Variants in GPR158 observed in about 807,000 individuals in gnomAD.
The protein encoded by GPR158 is G protein-coupled receptor 158.
Under a neutral mutation model 78.2 loss-of-function variants are expected in GPR158, and 30 were observed. That is an observed-to-expected ratio of 0.38 (90% confidence interval 0.29 to 0.52). The LOEUF (loss-of-function observed/expected upper bound fraction) is 0.52, where lower values mean the gene tolerates loss of function less well. Ranked by LOEUF, GPR158 falls within the 20% of genes least tolerant of loss-of-function variation. The probability of loss-of-function intolerance (pLI) is 0.83; values close to 1 mark genes in which losing one functional copy is unlikely to be tolerated. For synonymous variants in GPR158, 581 were observed against 591.1 expected (o/e 0.98, Z 0.25); for missense variants, 1,463 against 1,523.5 (o/e 0.96, Z 0.66).
intron 2 of GPR158, among the ~76,000 whole-genome samples, chr10:25,304,865 A>G (rs1322697116): frequency 6.6e-6 from 1 of 152,204 alleles, no homozygotes; most frequent in Non-Finnish European, 1.5e-5. Context: ...CTGGTAATAC[A>G]ATCCAGTTAT....
At chr10:25,595,223 T>C (rs1212605629) in intron 9 of GPR158, among the ~76,000 whole-genome samples, 2 of 152,166 alleles carry the variant, frequency 1.3e-5, no homozygotes, top group Non-Finnish European at 2.9e-5. Flanking sequence ...AACCAGAACA[T>C]TGAGATTCAG....
At chr10:25,513,235 A>C (rs1189000400) in intron 5 of GPR158, among the ~76,000 whole-genome samples, 1 of 151,596 alleles carries the variant, frequency 6.6e-6, no homozygotes, top group African/African-American at 2.4e-5. Context: ...TGGTCTGTTC[A>C]GAGTTTCTAT....
At chr10:25,435,618 A>G (rs1000203105) in intron 4 of GPR158, among the ~76,000 whole-genome samples, 10 of 152,344 alleles carry the variant, frequency 6.6e-5, no homozygotes, top group Admixed American at 2.6e-4. Flanking sequence ...AGAGGCCTAC[A>G]GGACATGGTC....
intron 2 of GPR158, among the ~76,000 whole-genome samples, chr10:25,267,042 C>T (rs1854053535): frequency 6.6e-6 from 1 of 152,094 alleles, no homozygotes; most frequent in Non-Finnish European, 1.5e-5. Flanking sequence ...TGAGTTTTGT[C>T]TTTCTGCCCT....
chr10:25,210,998 G>A (rs373772966), intron 1 of GPR158, among the ~76,000 whole-genome samples: 1 of 152,044 alleles, frequency 6.6e-6, no homozygotes, highest in East Asian at 1.9e-4. Context: ...GGGGTGTGGT[G>A]GCAGGCGCCT....
At chr10:25,511,116 T>C (rs1245142466) in intron 5 of GPR158, among the ~76,000 whole-genome samples, 2 of 152,212 alleles carry the variant, frequency 1.3e-5, no homozygotes, top group Non-Finnish European at 2.9e-5. Context: ...TTAAGGACTT[T>C]CCACGCTGTT....
In GPR158 at chr10:25,309,244, C is replaced by T. The variant is rs1200015795; in HGVS notation, c.1009-86667C>T. Among the ~76,000 whole-genome samples, 3 of 151,184 alleles carry T rather than the reference C, an allele frequency of 2.0e-5. No individual in the cohort carries two copies. In the East Asian group the frequency reaches 5.8e-4, roughly 29 times the overall value. ...GTGTGTGTGTGTGTGTTTTCAATAG[C>T]TATCCTAATGGTGTAAGGTGGTATC... On this transcript the variant is annotated intron_variant, in intron 2 of 10. Transcript: ENST00000376351.
intron 1 of GPR158, among the ~76,000 whole-genome samples, chr10:25,180,579 A>G (rs2130627568): frequency 6.6e-6 from 1 of 152,364 alleles, no homozygotes; most frequent in East Asian, 1.9e-4. Context: ...AGTATGTTGT[A>G]CAGTGAGAAG....
chr10:25,481,393 GATC>G (rs1835662132), intron 5 of GPR158, among the ~76,000 whole-genome samples: 4 of 152,296 alleles, frequency 2.6e-5, no homozygotes. Flanking sequence ...CCAAGAAGAT[GATC>G]ATCAGGAGGT....
At chr10:25,511,356 T>G (rs1836083547) in intron 5 of GPR158, among the ~76,000 whole-genome samples, 1 of 152,224 alleles carries the variant, frequency 6.6e-6, no homozygotes, top group Non-Finnish European at 1.5e-5. Flanking sequence ...CTGAGAATTG[T>G]CTACTCATGT....
intron 8 of GPR158, among the ~76,000 whole-genome samples, chr10:25,593,916 G>A (rs111510665): frequency 3.3e-5 from 5 of 152,058 alleles, no homozygotes; most frequent in African/African-American, 9.6e-5. Context: ...GGCAAATTAT[G>A]AGTACTAAGA....
intron 5 of GPR158, among the ~76,000 whole-genome samples, chr10:25,480,867 G>A (rs1835656325): frequency 6.6e-6 from 1 of 152,156 alleles, no homozygotes; most frequent in Non-Finnish European, 1.5e-5. Context: ...TGGACAGCCT[G>A]CTGCCTGAGT....
intron 2 of GPR158, among the ~76,000 whole-genome samples, chr10:25,394,506 T>A (rs1411255560): frequency 1.3e-5 from 2 of 151,622 alleles, no homozygotes; most frequent in Non-Finnish European, 2.9e-5. Flanking sequence ...TTATTTTTAT[T>A]AGGTTCTGTA....
chr10:25,574,880 G>T (rs540635360), intron 7 of GPR158, among the ~76,000 whole-genome samples: 2 of 152,028 alleles, frequency 1.3e-5, no homozygotes, highest in South Asian at 4.2e-4. Flanking sequence ...GTGAGACTTT[G>T]TCTCAAAGAA....
intron 5 of GPR158, among the ~76,000 whole-genome samples, chr10:25,486,869 A>T (rs114756499): frequency 0.029 from 4,472 of 152,178 alleles, 117 homozygotes; most frequent in African/African-American, 0.068. Flanking sequence ...AAATAAAAAA[A>T]ATAGATAAAT....
intron 2 of GPR158, among the ~76,000 whole-genome samples, chr10:25,224,024 C>T (rs1853338183): frequency 6.6e-6 from 1 of 152,030 alleles, no homozygotes; most frequent in African/African-American, 2.4e-5. Flanking sequence ...TGACAAAAGC[C>T]TCAGGAGCAT....
chr10:25,575,058 C>A (rs1466302480), intron 7 of GPR158, among the ~76,000 whole-genome samples: 1 of 127,440 alleles, frequency 7.8e-6, no homozygotes. Flanking sequence ...CAGAGCGAGA[C>A]TCCATCTCAA....
At chr10:25,545,944 G>T (rs1380173101) in intron 5 of GPR158, among the ~76,000 whole-genome samples, 1 of 152,062 alleles carries the variant, frequency 6.6e-6, no homozygotes, top group African/African-American at 2.4e-5. Flanking sequence ...ATTACAGAAA[G>T]AATTATTTCC....
chr10:25,204,784 G>C (rs1322467124), intron 1 of GPR158, among the ~76,000 whole-genome samples: 1 of 144,782 alleles, frequency 6.9e-6, no homozygotes, highest in Admixed American at 6.9e-5. Flanking sequence ...TTCCTAGTTT[G>C]TGTGCACAGA....
Sources: allele counts gnomAD v4.1 joint callset (sites outside exome capture counted in the v4.1 genomes callset), GRCh38; gene constraint gnomAD v4.1.1; transcripts MANE v1.5; gene names NCBI Gene and HGNC (gene_info 2026-07-23, HGNC 2026-07-21).